Variants in SLC22A23 observed in about 807,000 individuals in gnomAD.
SLC22A23 encodes ion transporter protein.
SLC22A23 carries 26 observed loss-of-function variants against 61.0 expected under a neutral mutation model. The ratio of observed to expected loss-of-function variants is 0.43; its 90% CI spans 0.31 to 0.59. The LOEUF is 0.59. Among genes scored for constraint, SLC22A23 ranks in the 20% least tolerant of loss-of-function variants. The probability of loss-of-function intolerance (pLI) is 0.11; values close to 1 mark genes in which losing one functional copy is unlikely to be tolerated. For missense variants in SLC22A23, 796 were observed against 934.7 expected (o/e 0.85, Z 1.94); for synonymous variants, 430 against 413.9 (o/e 1.04, Z -0.47).
intron 3 of SLC22A23, among the ~76,000 whole-genome samples, chr6:3,335,721 T>A (rs1475596140): frequency 6.6e-6 from 1 of 152,222 alleles, no homozygotes; most frequent in African/African-American, 2.4e-5. Context: ...GGTGCCATTA[T>A]TTTTAATGGC....
chr6:3,314,877 G>A (rs1365892448), intron 4 of SLC22A23, among the ~76,000 whole-genome samples: 2 of 152,134 alleles, frequency 1.3e-5, no homozygotes, highest in Non-Finnish European at 2.9e-5. Context: ...CTCATGTGGG[G>A]AATCGGTTCT....
intron 3 of SLC22A23, among the ~76,000 whole-genome samples, chr6:3,393,674 T>C (rs1404350561): frequency 6.6e-6 from 1 of 152,258 alleles, no homozygotes; most frequent in Admixed American, 6.5e-5. Context: ...GTGACAACCA[T>C]TGCTCCACGC....
At chr6:3,438,511 G>A (rs988822201) in intron 1 of SLC22A23, 1 of 456,622 alleles carries the variant, frequency 2.2e-6, no homozygotes, top group African/African-American at 2.0e-5. Context: ...AGCGCTTGGT[G>A]TCTGTGTCCC....
At chr6:3,373,729 G>A (rs898694210) in intron 3 of SLC22A23, among the ~76,000 whole-genome samples, 5 of 152,208 alleles carry the variant, frequency 3.3e-5, no homozygotes, top group African/African-American at 4.8e-5. Flanking sequence ...GTCACCTATT[G>A]TTCCATTCAG....
Position 3,323,907 on chromosome 6 carries a change from C to A in SLC22A23, c.1009G>T (p.Ala337Ser), listed in dbSNP as rs201050270. ...AGQFLMPGLA[A>S]LCRDWQVLQA... ...AGCACCTGCCAATCCCGGCACAGGGCGGCTAGCCCAGGCATGAGGAACTGG... is the reference window on the plus strand; with the variant it reads ...AGCACCTGCCAATCCCGGCACAGGGAGGCTAGCCCAGGCATGAGGAACTGG... Residue 337 changes from alanine (A) to serine (S), a missense_variant, in exon 4 of 10, where the codon GCC (alanine) becomes TCC (serine). Physicochemically the swap from Ala to Ser is moderately conservative, Grantham distance 99. Transcript: ENST00000406686. The A allele has an allele frequency of 1.2e-6, 2 of 1,614,180 alleles. No individual in the cohort carries two copies. Among genetic ancestry groups the A allele is most frequent in the South Asian group, 2.2e-5 (2 of 91,084 alleles).
At position 3,273,123 on chromosome 6, in the gene SLC22A23, G is replaced by A; in HGVS notation, c.1993C>T (p.His665Tyr). 2 of 1,606,216 alleles carry A rather than the reference G, an allele frequency of 1.2e-6. No individual in the cohort carries two copies. The highest frequency in any genetic ancestry group is 2.2e-5 in the South Asian group (2 of 90,876). The stretch of plus-strand genomic sequence containing the variant: ...GTGTCACCCGCGGCTGCGGCATCGT[G>A]GAGGCCCGAGTAGTCCTTGAGCTCG... ...NAELKDYSGL[H>Y]DAAAAGDTLP... Residue 665 changes from histidine (H) to tyrosine (Y), a missense_variant, in exon 10 of 10, where the codon CAC becomes TAC. Transcript: ENST00000406686.
At chr6:3,295,455 C>T (rs1007535153) in intron 5 of SLC22A23, among the ~76,000 whole-genome samples, 2 of 152,058 alleles carry the variant, frequency 1.3e-5, no homozygotes, top group African/African-American at 4.8e-5. Flanking sequence ...GACCTGGGGT[C>T]TACCCGAAAG....
chr6:3,423,821 A>G lies in SLC22A23; in HGVS notation c.655-7966T>C, dbSNP rs557794626. Among the ~76,000 whole-genome samples the G allele has an allele frequency of 3.2e-4, 49 of 152,356 alleles. 1 individual carries two copies. The South Asian group carries it at 9.9e-3, about 31-fold the overall frequency. On this transcript the variant is annotated intron_variant, in intron 1 of 9. Coordinates refer to ENST00000406686, the MANE Select transcript of SLC22A23 (RefSeq NM_015482.2). ...CAGTGTGTCAACAGAGCCGGACTGT[A>G]GCATTAACATTTAAGATGTCCCCAT...
chr6:3,367,573 T>C (rs1352835652), intron 3 of SLC22A23, among the ~76,000 whole-genome samples: 6 of 152,156 alleles, frequency 3.9e-5, no homozygotes, highest in Non-Finnish European at 8.8e-5. Flanking sequence ...AGCTACTCTA[T>C]GACTTTACAG....
chr6:3,451,945 G>A (rs1772172843), intron 1 of SLC22A23, among the ~76,000 whole-genome samples: 1 of 152,172 alleles, frequency 6.6e-6, no homozygotes, highest in South Asian at 2.1e-4. Flanking sequence ...CACGATGGTT[G>A]TGTGAGTATC....
rs1240447616 is a variant in SLC22A23, at chr6:3,328,953, C to A, written c.914-4951G>T. 6.6e-6 allele frequency among the ~76,000 whole-genome samples: 1 copy of A among 152,064 alleles called. No homozygotes were observed. The highest frequency in any genetic ancestry group is 1.5e-5 in the Non-Finnish European group (1 of 68,022). On this transcript the variant is annotated intron_variant, in intron 3 of 9. Transcript: ENST00000406686. This position sits in a 1 kb window ranked among gnomAD's most constrained non-coding sequence, Gnocchi z 5.0. ...TCCTGTCCCTGCTTCTCTTCCCCGG[C>A]CAGCCTGGACCAGGTCCCAGCCTCA...
At chr6:3,348,794 A>T (rs1417099299) in intron 3 of SLC22A23, among the ~76,000 whole-genome samples, 1 of 152,212 alleles carries the variant, frequency 6.6e-6, no homozygotes, top group Non-Finnish European at 1.5e-5. Flanking sequence ...ATCTTACAGC[A>T]AGCATCCTGG....
intron 4 of SLC22A23, among the ~76,000 whole-genome samples, chr6:3,314,245 A>G (rs1397328756): frequency 6.6e-6 from 1 of 152,214 alleles, no homozygotes; most frequent in African/African-American, 2.4e-5. Flanking sequence ...TAGCTCTGCC[A>G]AGTAAATGCT....
intron 1 of SLC22A23, among the ~76,000 whole-genome samples, chr6:3,446,227 G>A (rs964033450): frequency 7.9e-5 from 12 of 152,172 alleles, no homozygotes; most frequent in Admixed American, 1.3e-4. Context: ...CTCTCCCATG[G>A]TAAGGGCCAC....
At chr6:3,362,440 A>AAAAAAAAAAAAAAAAAAAC in intron 3 of SLC22A23, among the ~76,000 whole-genome samples, 1 of 137,160 alleles carries the variant, frequency 7.3e-6, no homozygotes, top group Non-Finnish European at 1.5e-5. Flanking sequence ...AAAAAATAAA[A>AAAAAAAAAAAAAAAAAAAC]ATTAGCATGC....
chr6:3,419,256 T>C (rs1334749855), intron 1 of SLC22A23, among the ~76,000 whole-genome samples: 1 of 152,152 alleles, frequency 6.6e-6, no homozygotes, highest in Non-Finnish European at 1.5e-5. Flanking sequence ...CTTTCACATA[T>C]ATCCTGAACA....
intron 6 of SLC22A23, among the ~76,000 whole-genome samples, chr6:3,289,383 C>T (rs575076107): frequency 7.2e-5 from 11 of 152,358 alleles, no homozygotes; most frequent in Admixed American, 2.6e-4. Context: ...AGGGCGGGGC[C>T]GGCTACAGGC....
intron 1 of SLC22A23, among the ~76,000 whole-genome samples, chr6:3,416,433 C>T (rs540321621): frequency 4.9e-4 from 74 of 152,372 alleles, no homozygotes; most frequent in African/African-American, 1.5e-3. Context: ...GTGTCCCTTG[C>T]GTTTTCCCAT....
chr6:3,324,335 C>T lies in SLC22A23; in HGVS notation c.914-333G>A, dbSNP rs557788711. ...GTTCCTGCTTCCTCTGCTCTCCAGACGTCACTGAGCTTGCTGTCCAGCACG... is the reference window on the plus strand; with the variant it reads ...GTTCCTGCTTCCTCTGCTCTCCAGATGTCACTGAGCTTGCTGTCCAGCACG... On this transcript the variant is annotated intron_variant, in intron 3 of 9. Coordinates refer to ENST00000406686, the MANE Select transcript of SLC22A23 (RefSeq NM_015482.2). The surrounding 1 kb of genome is among the most constrained non-coding windows in gnomAD (Gnocchi z 4.3). Among the ~76,000 whole-genome samples the T allele has an allele frequency of 5.9e-5, 9 of 152,306 alleles. No individual in the cohort carries two copies. Among genetic ancestry groups the T allele is most frequent in the African/African-American group, 1.9e-4 (8 of 41,558 alleles).
Sources: allele counts gnomAD v4.1 joint callset (sites outside exome capture counted in the v4.1 genomes callset), GRCh38; gene constraint gnomAD v4.1.1; non-coding constraint Gnocchi (gnomAD v3.1); transcripts MANE v1.5; gene names NCBI Gene and HGNC (gene_info 2026-07-23, HGNC 2026-07-21).